ARMC2: variants seen among roughly 807,000 people sequenced by gnomAD.
The protein encoded by ARMC2 is armadillo repeat-containing protein 2.
Under a neutral mutation model 90.3 loss-of-function variants are expected in ARMC2, and 67 were observed. That is an observed-to-expected ratio of 0.74 (90% confidence interval 0.61 to 0.91). The LOEUF (loss-of-function observed/expected upper bound fraction) is 0.91, where lower values mean the gene tolerates loss of function less well. Ranked by LOEUF, ARMC2 falls within the 40% of genes least tolerant of loss-of-function variation. ARMC2 has a pLI of 0.00. For missense variants in ARMC2, 920 were observed against 1,030.9 expected (o/e 0.89, Z 1.47); for synonymous variants, 393 against 393.0 (o/e 1.00, Z 0.00).
the ARMC2 span, chr6:108,988,406 C>G: frequency 3.0e-6 from 2 of 672,724 alleles, no homozygotes; most frequent in South Asian, 2.6e-5. Context: ...GAAGGGGTAC[C>G]TGAGACAGCT....
chr6:109,039,911 G>A, the ARMC2 span, among the ~76,000 whole-genome samples: 1 of 152,182 alleles, frequency 6.6e-6, no homozygotes, highest in Non-Finnish European at 1.5e-5. Context: ...GCACAGTCAA[G>A]GGGGATTATT....
chr6:108,849,215 T>C (rs143047287), intron 1 of ARMC2, among the ~76,000 whole-genome samples: 3 of 152,226 alleles, frequency 2.0e-5, no homozygotes. Flanking sequence ...CAACAGATCT[T>C]ACGTCCCACC....
At chr6:109,041,225 T>C in the ARMC2 span, among the ~76,000 whole-genome samples, 1 of 151,578 alleles carries the variant, frequency 6.6e-6, no homozygotes, top group Non-Finnish European at 1.5e-5. Context: ...GGCAGGAGGA[T>C]TGTTTGAACA....
the ARMC2 span, among the ~76,000 whole-genome samples, chr6:108,996,306 T>G: frequency 1.3e-5 from 2 of 152,216 alleles, no homozygotes; most frequent in African/African-American, 4.8e-5. Flanking sequence ...AAGACTTTCA[T>G]GATGGGAAGT....
chr6:109,001,333 C>T, the ARMC2 span: 45 of 1,613,670 alleles, frequency 2.8e-5, no homozygotes, highest in Middle Eastern at 3.3e-4. Context: ...ACGGCCCATC[C>T]ATTTGCAGTA....
At chr6:108,861,588 T>C (rs1163450524) in intron 3 of ARMC2, among the ~76,000 whole-genome samples, 1 of 152,222 alleles carries the variant, frequency 6.6e-6, no homozygotes. Context: ...TGTTCATGTA[T>C]TGCAGATGAC....
chr6:108,993,660 C>T, the ARMC2 span, among the ~76,000 whole-genome samples: 21 of 152,054 alleles, frequency 1.4e-4, no homozygotes, highest in Non-Finnish European at 2.6e-4. Flanking sequence ...TCTCCTGTAG[C>T]CTGCATATAG....
chr6:108,864,384 G>A (rs557922584), intron 3 of ARMC2, among the ~76,000 whole-genome samples: 3 of 151,916 alleles, frequency 2.0e-5, no homozygotes, highest in Non-Finnish European at 2.9e-5. Flanking sequence ...AAGTAGCTGG[G>A]ACTACAGGCG....
intron 10 of ARMC2, among the ~76,000 whole-genome samples, chr6:108,925,269 C>T (rs1774999330): frequency 6.6e-6 from 1 of 152,142 alleles, no homozygotes; most frequent in African/African-American, 2.4e-5. Context: ...AATCTGTCTA[C>T]CTCAGAGATA....
chr6:109,022,917 T>C, the ARMC2 span, among the ~76,000 whole-genome samples: 1 of 152,140 alleles, frequency 6.6e-6, no homozygotes, highest in African/African-American at 2.4e-5. Flanking sequence ...TTAGTTTTGT[T>C]AATGTTAATA....
At chr6:108,863,228 G>T (rs553775524) in intron 3 of ARMC2, among the ~76,000 whole-genome samples, 1 of 152,094 alleles carries the variant, frequency 6.6e-6, no homozygotes, top group East Asian at 1.9e-4. Context: ...CAGTACAGGT[G>T]TGCACCACCA....
the ARMC2 span, among the ~76,000 whole-genome samples, chr6:109,036,111 T>TG: frequency 5.9e-3 from 901 of 152,304 alleles, 13 homozygotes; most frequent in African/African-American, 0.021. Context: ...TTAGGACCTT[T>TG]TCCTACCAAG....
At chr6:109,039,277 G>T in the ARMC2 span, among the ~76,000 whole-genome samples, 3 of 152,326 alleles carry the variant, frequency 2.0e-5, no homozygotes, top group East Asian at 5.8e-4. Context: ...TCACAAATTT[G>T]TATGGAATAT....
the ARMC2 span, among the ~76,000 whole-genome samples, chr6:108,989,714 G>A: frequency 6.6e-6 from 1 of 152,012 alleles, no homozygotes; most frequent in African/African-American, 2.4e-5. Flanking sequence ...TGAGAAAAAA[G>A]GCAGGGGCTG....
the ARMC2 span, among the ~76,000 whole-genome samples, chr6:108,991,603 T>C: frequency 6.6e-6 from 1 of 152,204 alleles, no homozygotes; most frequent in Non-Finnish European, 1.5e-5. Context: ...CCTGCACTTC[T>C]GCCTTTTAGC....
the ARMC2 span, among the ~76,000 whole-genome samples, chr6:109,016,718 GCTTT>G: frequency 6.6e-6 from 1 of 151,908 alleles, no homozygotes; most frequent in Non-Finnish European, 1.5e-5. Context: ...ATCCATTCTA[GCTTT>G]CTGTTTTGCC....
chr6:108,885,673 CAAAA>C (rs772185235), intron 5 of ARMC2, among the ~76,000 whole-genome samples: 4 of 117,442 alleles, frequency 3.4e-5, no homozygotes, highest in African/African-American at 1.3e-4. Context: ...GACTCTGTCG[CAAAA>C]AAAAAAAGAA....
chr6:108,855,188 C>T (rs1369598163), intron 2 of ARMC2, among the ~76,000 whole-genome samples: 3 of 151,918 alleles, frequency 2.0e-5, no homozygotes, highest in Non-Finnish European at 4.4e-5. Flanking sequence ...ACAAATAAAG[C>T]TGCTATAAAC....
chr6:108,879,926 A>T (rs17316116), intron 5 of ARMC2: 11 of 470,404 alleles, frequency 2.3e-5, no homozygotes, highest in Admixed American at 4.7e-5. Flanking sequence ...ATCTCCTTCT[A>T]GCCCTCACTG....
Sources: allele counts gnomAD v4.1 joint callset (sites outside exome capture counted in the v4.1 genomes callset), GRCh38; gene constraint gnomAD v4.1.1; transcripts MANE v1.5; gene names NCBI Gene and HGNC (gene_info 2026-07-23, HGNC 2026-07-21).